The following SLC18A3 variants were observed in gnomAD, a reference collection of about 807,000 sequenced individuals.
SLC18A3 encodes vesicular acetylcholine transporter.
In SLC18A3, 18 loss-of-function variants were observed where a neutral mutation model predicts 24.2. The observed-to-expected ratio is 0.74, with a 90% CI of 0.51 to 1.10. The LOEUF (loss-of-function observed/expected upper bound fraction) is 1.10. SLC18A3 is among the 50% of genes least tolerant of loss of function. The pLI is 0.00. For synonymous variants in SLC18A3, 415 were observed against 355.4 expected (o/e 1.17, Z -1.89); for missense variants, 744 against 750.7 (o/e 0.99, Z 0.10).
rs1590546799 is a variant in SLC18A3, at chr10:49,612,439, C to A, written c.*100C>A. The stretch of plus-strand genomic sequence containing the variant: ...CTGGCTCAGGGCCCACCTCCTCCAG[C>A]GAGTACCCCAGCCACTCCTCAACCT... On this transcript the variant is annotated 3_prime_UTR_variant, in exon 1 of 1. Transcript: ENST00000374115. 11 of 1,189,994 alleles carry A rather than the reference C, an allele frequency of 9.2e-6. No homozygotes were observed. The highest frequency in any genetic ancestry group is 3.1e-5 in the African/African-American group (2 of 65,360). The allele number at this position is 1,189,994 out of a possible 1,614,324, so 73.7% of individuals were successfully genotyped here. A position where few individuals can be genotyped will look rare whatever the true frequency, so the allele number is the denominator to read the frequency against.
In SLC18A3 at chr10:49,611,856, C is replaced by G. The variant is rs761894527; in HGVS notation, c.1116C>G (p.Cys372Trp). 14 of 1,605,860 alleles carry G rather than the reference C, an allele frequency of 8.7e-6. No homozygotes were observed. The East Asian group carries it at 2.9e-4, about 33-fold the overall frequency. Residue 372 changes from cysteine to tryptophan, a missense_variant, in exon 1 of 1, where the codon TGC becomes TGG. Transcript: ENST00000374115. ...TGGCTGTGATCGGCGCCAGCTCGTG[C>G]ATCGTGCCCGCCTGCCGCTCCTTCG... is the stretch of plus-strand genomic sequence containing the variant. ...LGLAVIGASS[C>W]IVPACRSFAP...
In SLC18A3 at chr10:49,612,059, G is replaced by T; in HGVS notation, c.1319G>T (p.Gly440Val). The change falls in exon 1 of 1, where the codon GGC (glycine) becomes GTC (valine). Residue 440 changes from glycine (G) to valine (V), a missense_variant. Gly to Val is a moderately radical substitution (Grantham distance 109). This residue lies in a region of SLC18A3 where 160 missense variants were observed against 140.9 expected (regional missense o/e 1.14). Coordinates refer to ENST00000374115, the MANE Select transcript of SLC18A3 (RefSeq NM_003055.3). Reference sequence around the variant, plus strand: ...TACGCGCTCGGGCCCATAGTGGCAGGCCACATTGTGCACTCGCTGGGCTTT... The same window carrying T: ...TACGCGCTCGGGCCCATAGTGGCAGTCCACATTGTGCACTCGCTGGGCTTT... ...VAYALGPIVA[G>V]HIVHSLGFEQ... is the part of the protein sequence containing the mutation. The T allele has an allele frequency of 6.2e-7, 1 of 1,613,542 alleles. No homozygotes were observed. The highest frequency in any genetic ancestry group is 8.5e-7 in the Non-Finnish European group (1 of 1,179,968).
At position 49,611,711 on chromosome 10, in the gene SLC18A3, A is replaced by C; in HGVS notation, c.971A>C (p.Glu324Ala). 1 of 1,607,886 alleles carries C rather than the reference A, an allele frequency of 6.2e-7. No individual in the cohort carries two copies. Among genetic ancestry groups the C allele is most frequent in the Non-Finnish European group, 8.5e-7 (1 of 1,179,924 alleles). The change falls in exon 1 of 1, where the codon GAG becomes GCG. Residue 324 changes from glutamate to alanine, a missense_variant. Transcript: ENST00000374115. ...TWMKHTMAAS[E>A]WEMGMAWLPA... ...ATGAAGCATACGATGGCGGCTTCCG[A>C]GTGGGAGATGGGCATGGCCTGGCTG... is the stretch of plus-strand genomic sequence containing the variant.
Position 49,611,333 on chromosome 10 carries a change from C to G in SLC18A3, c.593C>G (p.Ala198Gly). Residue 198 changes from alanine (A) to glycine (G), a missense_variant, in exon 1 of 1, where the codon GCC becomes GGC. Physicochemically the swap from Ala to Gly is moderately conservative, Grantham distance 60 (BLOSUM62 0). Transcript: ENST00000374115. ...GSAFADTSGIAMIADKYPEEP... is the reference protein window; with the variant it reads ...GSAFADTSGIGMIADKYPEEP... ...GCCTTCGCCGACACGTCTGGCATAG[C>G]CATGATCGCCGATAAGTACCCGGAG... 1 of 1,603,076 alleles carries G rather than the reference C, an allele frequency of 6.2e-7. No homozygotes were observed. Among genetic ancestry groups the G allele is most frequent in the Non-Finnish European group, 8.5e-7 (1 of 1,179,862 alleles).
chr10:49,610,336 G>A lies in SLC18A3; in HGVS notation c.-405G>A. ...AGAGCCGACGCGAGGGGAGGGGAGC[G>A]CAGCGGCGGGGCTAACGGGCGGGCA... On this transcript the variant is annotated 5_prime_UTR_variant, in exon 1 of 1. Transcript: ENST00000374115. 5.4e-6 allele frequency: 1 copy of A among 185,356 alleles called. No homozygotes were observed. The highest frequency in any genetic ancestry group is 1.1e-5 in the Non-Finnish European group (1 of 90,056). 11.5% of individuals were successfully genotyped at this position (185,356 alleles called of 1,614,324 possible).
In SLC18A3 at chr10:49,612,570, G is replaced by A. The variant is rs1180818300; in HGVS notation, c.*231G>A. On this transcript the variant is annotated 3_prime_UTR_variant, in exon 1 of 1. Coordinates refer to ENST00000374115, the MANE Select transcript of SLC18A3 (RefSeq NM_003055.3). ...CCAGCGAAGCCATCGCGCTCCTTGCGGAGGTGAAGAGGACCCTGAGTCCCC... is the reference window on the plus strand; with the variant it reads ...CCAGCGAAGCCATCGCGCTCCTTGCAGAGGTGAAGAGGACCCTGAGTCCCC... The A allele has an allele frequency of 9.3e-6, 5 of 538,344 alleles. No homozygotes were observed. The highest frequency in any genetic ancestry group is 1.9e-5 in the African/African-American group (1 of 52,436). The allele number at this position is 538,344 out of a possible 1,614,324, so 33.3% of individuals were successfully genotyped here.
rs893457049 is a variant in SLC18A3 at position 49,612,607 on chromosome 10, C to G, written c.*268C>G. 1 of 479,468 alleles carries G rather than the reference C, an allele frequency of 2.1e-6. No individual in the cohort carries two copies. The highest frequency in any genetic ancestry group is 3.8e-6 in the Non-Finnish European group (1 of 265,002). The allele number at this position is 479,468 out of a possible 1,614,324, so 29.7% of individuals were successfully genotyped here. Reference sequence around the variant, plus strand: ...GACCCTGAGTCCCCACCTGCGGCTCCCCTGTGTAGAGCCTGCATCTGTCTG... The same window carrying G: ...GACCCTGAGTCCCCACCTGCGGCTCGCCTGTGTAGAGCCTGCATCTGTCTG... On this transcript the variant is annotated 3_prime_UTR_variant, in exon 1 of 1. Transcript: ENST00000374115.
Position 49,610,873 on chromosome 10 carries a change from C to G in SLC18A3, c.133C>G (p.Leu45Val), listed in dbSNP as rs1472244815. 6.2e-7 allele frequency: 1 copy of G among 1,613,278 alleles called. No individual in the cohort carries two copies. The highest frequency in any genetic ancestry group is 8.5e-7 in the Non-Finnish European group (1 of 1,179,602). Residue 45 changes from leucine (L) to valine (V), a missense_variant, in exon 1 of 1, where the codon CTG becomes GTG. Transcript: ENST00000374115. The stretch of plus-strand genomic sequence containing the variant: ...TGTTATCGTGTGCGTGGCGCTGTTA[C>G]TGGACAACATGCTGTACATGGTCAT... ...VLVIVCVALLLDNMLYMVIVP... is the reference protein window; with the variant it reads ...VLVIVCVALLVDNMLYMVIVP...
chr10:49,612,170 G>C lies in SLC18A3; in HGVS notation c.1430G>C (p.Arg477Pro). The C allele has an allele frequency of 1.2e-6, 2 of 1,610,486 alleles. No homozygotes were observed. The highest frequency in any genetic ancestry group is 1.7e-6 in the Non-Finnish European group (2 of 1,179,874). The change falls in exon 1 of 1, where the codon CGC (arginine) becomes CCC (proline). Residue 477 changes from arginine to proline, a missense_variant. Arg to Pro is a moderately radical substitution (Grantham distance 103). Around this residue, in one of 3 missense-constraint regions of SLC18A3, gnomAD observed 160 missense variants for 140.9 expected, o/e 1.14. Coordinates refer to ENST00000374115, the MANE Select transcript of SLC18A3 (RefSeq NM_003055.3). ...LLLRNVGLLTRSRSERDVLLD... is the reference protein window; with the variant it reads ...LLLRNVGLLTPSRSERDVLLD... ...CTCCGCAACGTGGGCCTCCTGACGC[G>C]CTCCCGTTCCGAGCGCGATGTGCTG... is the stretch of plus-strand genomic sequence containing the variant.
chr10:49,612,388 C>T lies in SLC18A3; in HGVS notation c.*49C>T. ...ACCCAACCGCCTTGGGTCAAGGGGG[C>T]TGCTCTGCAAGCCCACTGGCCAGCT... On this transcript the variant is annotated 3_prime_UTR_variant, in exon 1 of 1. Transcript: ENST00000374115. 1 of 1,527,536 alleles carries T rather than the reference C, an allele frequency of 6.5e-7. No homozygotes were observed. Among genetic ancestry groups the T allele is most frequent in the South Asian group, 1.3e-5 (1 of 77,512 alleles). 94.6% of individuals were successfully genotyped at this position (1,527,536 alleles called of 1,614,324 possible). A position where few individuals can be genotyped will look rare whatever the true frequency, so the allele number is the denominator to read the frequency against.
Position 49,611,415 on chromosome 10 carries a change from C to T in SLC18A3, c.675C>T (p.Ser225=), listed in dbSNP as rs757608288. ...GVALAFISFG[S]LVAPPFGGIL... ...CGCTGGCCTTCATTAGCTTCGGAAG[C>T]CTAGTGGCCCCGCCCTTCGGGGGCA... is the stretch of plus-strand genomic sequence containing the variant. Residue 225 remains serine, a synonymous_variant, in exon 1 of 1, where the codon AGC becomes AGT. Coordinates refer to ENST00000374115, the MANE Select transcript of SLC18A3 (RefSeq NM_003055.3). The T allele has an allele frequency of 1.3e-6, 2 of 1,597,798 alleles. No homozygotes were observed. Among genetic ancestry groups the T allele is most frequent in the African/African-American group, 1.3e-5 (1 of 75,010 alleles).
rs1470513070 is a variant in SLC18A3, at chr10:49,611,703, G to A, written c.963G>A (p.Ala321=). Residue 321 remains alanine (A), a synonymous_variant, in exon 1 of 1, where the codon GCG becomes GCA. Transcript: ENST00000374115. ...CCACGTGGATGAAGCATACGATGGCGGCTTCCGAGTGGGAGATGGGCATGG... is the reference window on the plus strand; with the variant it reads ...CCACGTGGATGAAGCATACGATGGCAGCTTCCGAGTGGGAGATGGGCATGG... The part of the protein sequence containing the change: ...TIATWMKHTM[A]ASEWEMGMAW... The A allele has an allele frequency of 6.2e-7, 1 of 1,608,810 alleles. No individual in the cohort carries two copies. The highest frequency in any genetic ancestry group is 8.5e-7 in the Non-Finnish European group (1 of 1,179,958).
rs748499497 is a variant in SLC18A3, at chr10:49,610,971, GTGGGAGCCCACCC to G, written c.234_246del (p.Trp78CysfsTer41). ...AGGGCCCCACCCGGACTCCCGAGGT[GTGGGAGCCCACCC>G]TGCCGCTGCCCACTCCGGCCAATGC... On this transcript the variant is annotated frameshift_variant, in exon 1 of 1. Transcript: ENST00000374115. LOFTEE classifies it high-confidence loss of function. The G allele has an allele frequency of 6.2e-7, 1 of 1,611,558 alleles. No homozygotes were observed. Among genetic ancestry groups the G allele is most frequent in the Non-Finnish European group, 8.5e-7 (1 of 1,178,540 alleles).
Position 49,611,341 on chromosome 10 carries a change from G to A in SLC18A3, c.601G>A (p.Ala201Thr). 6.2e-7 allele frequency: 1 copy of A among 1,602,302 alleles called. No individual in the cohort carries two copies. Among genetic ancestry groups the A allele is most frequent in the Non-Finnish European group, 8.5e-7 (1 of 1,179,836 alleles). Residue 201 changes from alanine to threonine, a missense_variant, in exon 1 of 1, where the codon GCC (alanine) becomes ACC (threonine). By Grantham distance (58) the Ala-to-Thr change is moderately conservative (BLOSUM62 0). Around this residue, in one of 3 missense-constraint regions of SLC18A3, gnomAD observed 566 missense variants for 566.2 expected, o/e 1.00. Coordinates refer to ENST00000374115, the MANE Select transcript of SLC18A3 (RefSeq NM_003055.3). The stretch of plus-strand genomic sequence containing the variant: ...CGACACGTCTGGCATAGCCATGATC[G>A]CCGATAAGTACCCGGAGGAGCCGGA... ...FADTSGIAMI[A>T]DKYPEEPERS...
Position 49,610,530 on chromosome 10 carries a change from G to T in SLC18A3, c.-211G>T. On this transcript the variant is annotated 5_prime_UTR_variant, in exon 1 of 1. Coordinates refer to ENST00000374115, the MANE Select transcript of SLC18A3 (RefSeq NM_003055.3). Reference sequence around the variant, plus strand: ...TGAGCCCAGCAGCCGCGGGTCCCGGGATCGGCTAAGAGTAGCTGCAACGCC... The same window carrying T: ...TGAGCCCAGCAGCCGCGGGTCCCGGTATCGGCTAAGAGTAGCTGCAACGCC... The T allele has an allele frequency of 4.4e-6, 2 of 458,618 alleles. No individual in the cohort carries two copies. The highest frequency in any genetic ancestry group is 7.4e-6 in the Non-Finnish European group (2 of 270,782). 28.4% of individuals were successfully genotyped at this position (458,618 alleles called of 1,614,324 possible). A position where few individuals can be genotyped will look rare whatever the true frequency, so the allele number is the denominator to read the frequency against.
rs367717926 is a variant in SLC18A3 at position 49,610,347 on chromosome 10, G to A, written c.-394G>A. 13 of 195,506 alleles carry A rather than the reference G, an allele frequency of 6.6e-5. No homozygotes were observed. Among genetic ancestry groups the A allele is most frequent in the African/African-American group, 2.6e-4 (11 of 42,878 alleles). 12.1% of individuals were successfully genotyped at this position (195,506 alleles called of 1,614,324 possible). A position where few individuals can be genotyped will look rare whatever the true frequency, so the allele number is the denominator to read the frequency against. ...GAGGGGAGGGGAGCGCAGCGGCGGG[G>A]CTAACGGGCGGGCAAGCGGGCGGGC... is the stretch of plus-strand genomic sequence containing the variant. On this transcript the variant is annotated 5_prime_UTR_variant, in exon 1 of 1. Transcript: ENST00000374115.
Position 49,610,828 on chromosome 10 carries a change from C to A in SLC18A3, c.88C>A (p.Arg30=), listed in dbSNP as rs8187735. 3.8e-3 allele frequency: 6,170 copies of A among 1,607,874 alleles called. 211 individuals carry two copies. The African/African-American group carries it at 0.074, about 19-fold the overall frequency. The part of the protein sequence containing the change: ...AVGAALQEPR[R]QRRLVLVIVC... ...GGGCGCGGCGCTGCAGGAGCCCCGG[C>A]GGCAGAGGCGCCTGGTGCTTGTTAT... The change falls in exon 1 of 1, where the codon CGG becomes AGG. Residue 30 remains arginine (R), a synonymous_variant. Coordinates refer to ENST00000374115, the MANE Select transcript of SLC18A3 (RefSeq NM_003055.3).
Position 49,610,687 on chromosome 10 carries a change from C to G in SLC18A3, c.-54C>G, listed in dbSNP as rs1348048073. ...GTGCCCTCGCCTCTGCACTGCGGGA[C>G]GCCAGCGCTCGGCCCTGGCGGAGGC... On this transcript the variant is annotated 5_prime_UTR_variant, in exon 1 of 1. Transcript: ENST00000374115. The G allele has an allele frequency of 2.1e-6, 3 of 1,443,528 alleles. No individual in the cohort carries two copies. Among genetic ancestry groups the G allele is most frequent in the Non-Finnish European group, 2.7e-6 (3 of 1,103,554 alleles). 89.4% of individuals were successfully genotyped at this position (1,443,528 alleles called of 1,614,324 possible).
Position 49,610,561 on chromosome 10 carries a change from G to A in SLC18A3, c.-180G>A. 1.8e-6 allele frequency: 1 copy of A among 556,434 alleles called. No homozygotes were observed. The highest frequency in any genetic ancestry group is 2.9e-6 in the Non-Finnish European group (1 of 340,872). The allele number at this position is 556,434 out of a possible 1,614,324, so 34.5% of individuals were successfully genotyped here. ...CTAAGAGTAGCTGCAACGCCTCGCC[G>A]GACGGAGTCCTTTCCTTTCCCGGGA... On this transcript the variant is annotated 5_prime_UTR_variant, in exon 1 of 1. Coordinates refer to ENST00000374115, the MANE Select transcript of SLC18A3 (RefSeq NM_003055.3).
Sources: allele counts gnomAD v4.1 joint callset, GRCh38; gene constraint gnomAD v4.1.1; regional missense constraint gnomAD v4.1.1; transcripts MANE v1.5; gene names NCBI Gene and HGNC (gene_info 2026-07-23, HGNC 2026-07-21).